The following LOC400499 variants were observed in gnomAD, a reference collection of about 807,000 sequenced individuals.
At chr16:11,456,633 G>A in the LOC400499 span, among the ~76,000 whole-genome samples, 1 of 152,228 alleles carries the variant, frequency 6.6e-6, no homozygotes, top group African/African-American at 2.4e-5. Context: ...CTACTATGGT[G>A]CCCAGGCTGA....
chr16:11,449,044 A>T, the LOC400499 span: 1 of 1,492,414 alleles, frequency 6.7e-7, no homozygotes, highest in Non-Finnish European at 9.0e-7. Flanking sequence ...GCTGCGTTCC[A>T]GGCTGACTCG....
At chr16:11,502,913 C>G in the LOC400499 span, among the ~76,000 whole-genome samples, 2 of 64,216 alleles carry the variant, frequency 3.1e-5, no homozygotes, top group East Asian at 5.8e-4. Context: ...CACACCTGGA[C>G]CACCTTTTTT....
chr16:11,473,115 CA>C, the LOC400499 span: 1 of 97,700 alleles, frequency 1.0e-5, no homozygotes, highest in Non-Finnish European at 2.1e-5. Context: ...CACGCTATCT[CA>C]AAATAAATAA....
At chr16:11,430,108 G>C in the LOC400499 span, among the ~76,000 whole-genome samples, 1 of 152,162 alleles carries the variant, frequency 6.6e-6, no homozygotes, top group African/African-American at 2.4e-5. Flanking sequence ...CTACCAACAG[G>C]CTTTCTTGAA....
At chr16:11,427,484 G>A in the LOC400499 span, among the ~76,000 whole-genome samples, 9 of 151,116 alleles carry the variant, frequency 6.0e-5, no homozygotes. Flanking sequence ...TCATTCTGTT[G>A]CCCAGGCTGG....
At chr16:11,457,390 A>G in the LOC400499 span, among the ~76,000 whole-genome samples, 1 of 151,728 alleles carries the variant, frequency 6.6e-6, no homozygotes, top group African/African-American at 2.4e-5. Flanking sequence ...TCAGGAGATC[A>G]AGACCATCCC....
the LOC400499 span, chr16:11,384,303 G>C: frequency 1.6e-6 from 2 of 1,232,268 alleles, no homozygotes; most frequent in Admixed American, 4.2e-5. Context: ...TGTCATTGGT[G>C]CCCAGAAGGC....
chr16:11,439,415 CCAG>C, the LOC400499 span: 1 of 398,534 alleles, frequency 2.5e-6, no homozygotes, highest in Non-Finnish European at 4.4e-6. Flanking sequence ...TGCCCATCTC[CCAG>C]CAGGCCAGCT....
the LOC400499 span, chr16:11,514,627 G>A: frequency 2.5e-6 from 1 of 399,216 alleles, no homozygotes; most frequent in Non-Finnish European, 4.4e-6. Flanking sequence ...AGGGACGAGG[G>A]ACACATCAGA....
chr16:11,415,283 G>C, the LOC400499 span, among the ~76,000 whole-genome samples: 2 of 152,206 alleles, frequency 1.3e-5, no homozygotes, highest in African/African-American at 4.8e-5. Flanking sequence ...AGGAGCCCCA[G>C]AGCAAACAGA....
At chr16:11,458,018 A>G in the LOC400499 span, among the ~76,000 whole-genome samples, 1 of 152,172 alleles carries the variant, frequency 6.6e-6, no homozygotes, top group East Asian at 1.9e-4. Context: ...CCTGGCCAAC[A>G]TGGTAAAACC....
chr16:11,377,487 C>T, the LOC400499 span, among the ~76,000 whole-genome samples: 3 of 152,154 alleles, frequency 2.0e-5, no homozygotes, highest in African/African-American at 7.2e-5. Context: ...GAGGTCATTT[C>T]TATTTTGAGT....
chr16:11,519,120 A>G, the LOC400499 span: 1 of 396,962 alleles, frequency 2.5e-6, no homozygotes, highest in East Asian at 3.6e-5. Flanking sequence ...TTGACCAGGT[A>G]CCAAGCCTGG....
chr16:11,505,285 T>C, the LOC400499 span, among the ~76,000 whole-genome samples: 1 of 152,104 alleles, frequency 6.6e-6, no homozygotes, highest in South Asian at 2.1e-4. Context: ...TAGCACGTCA[T>C]GTCATATTTC....
At chr16:11,450,382 T>A in the LOC400499 span, among the ~76,000 whole-genome samples, 2 of 152,370 alleles carry the variant, frequency 1.3e-5, no homozygotes, top group African/African-American at 4.8e-5. Context: ...CTCCCCGTCA[T>A]CTGCCGAGCA....
chr16:11,460,283 G>A, the LOC400499 span, among the ~76,000 whole-genome samples: 2 of 151,984 alleles, frequency 1.3e-5, no homozygotes. Flanking sequence ...TGCAACCTCC[G>A]CCTCCTGGGC....
At chr16:11,471,716 G>C in the LOC400499 span, 3 of 399,140 alleles carry the variant, frequency 7.5e-6, no homozygotes, top group Non-Finnish European at 8.8e-6. Context: ...TCCCGTTTCT[G>C]CAGCGTCACG....
At chr16:11,472,085 C>CACTAG in the LOC400499 span, 7 of 352,286 alleles carry the variant, frequency 2.0e-5, no homozygotes, top group Non-Finnish European at 3.5e-5. Context: ...GATCCCCATC[C>CACTAG]ACTAGATGCC....
At chr16:11,488,657 C>G in the LOC400499 span, 1 of 398,394 alleles carries the variant, frequency 2.5e-6, no homozygotes, top group Non-Finnish European at 4.4e-6. Context: ...TCCAGGGTCC[C>G]CCAGCCTTTG....
Sources: allele counts gnomAD v4.1 joint callset (sites outside exome capture counted in the v4.1 genomes callset), GRCh38; gene constraint gnomAD v4.1.1; transcripts MANE v1.5.